The following CDH13 variants were observed in gnomAD, a reference collection of about 807,000 sequenced individuals.
CDH13 encodes cadherin-13.
A neutral mutation model predicts 63.8 loss-of-function variants in CDH13; 24 were observed. The ratio of observed to expected loss-of-function variants is 0.38; its 90% CI spans 0.27 to 0.53. The LOEUF (loss-of-function observed/expected upper bound fraction) is 0.53, where lower values mean the gene tolerates loss of function less well. CDH13 is among the 20% of genes least tolerant of loss of function. CDH13 has a pLI of 0.85. For missense variants in CDH13, 1,049 were observed against 903.1 expected (o/e 1.16, Z -2.07); for synonymous variants, 503 against 355.3 (o/e 1.42, Z -4.67).
At chr16:82,928,159 CGTGTATGTGT>C (rs1475752182) in intron 2 of CDH13, among the ~76,000 whole-genome samples, 9 of 46,648 alleles carry the variant, frequency 1.9e-4, no homozygotes, top group African/African-American at 4.2e-4. Flanking sequence ...AGTAGGCAGT[CGTGTATGTGT>C]GTGTGTGTGT....
At chr16:83,030,396 C>T (rs953649591) in intron 2 of CDH13, among the ~76,000 whole-genome samples, 9 of 152,172 alleles carry the variant, frequency 5.9e-5, no homozygotes, top group African/African-American at 1.7e-4. Context: ...CAGTGGCTCA[C>T]GCCTGTAATC....
intron 5 of CDH13, among the ~76,000 whole-genome samples, chr16:83,292,852 T>G (rs2089497576): frequency 6.6e-6 from 1 of 152,164 alleles, no homozygotes; most frequent in African/African-American, 2.4e-5. Flanking sequence ...CATAATATAT[T>G]AATAAAAATT....
chr16:82,810,466 C>T (rs977605118), intron 1 of CDH13, among the ~76,000 whole-genome samples: 3 of 152,132 alleles, frequency 2.0e-5, no homozygotes, highest in Admixed American at 1.3e-4. Context: ...TTGAGAGGAT[C>T]TCAAAGTGGA....
At chr16:83,572,747 G>C (rs553420415) in intron 7 of CDH13, among the ~76,000 whole-genome samples, 1 of 152,324 alleles carries the variant, frequency 6.6e-6, no homozygotes, top group East Asian at 1.9e-4. Context: ...ATTCGGAACA[G>C]ACCCAAAATA....
intron 3 of CDH13, among the ~76,000 whole-genome samples, chr16:83,057,829 G>C (rs1302107524): frequency 6.6e-6 from 1 of 152,140 alleles, no homozygotes; most frequent in African/African-American, 2.4e-5. Flanking sequence ...CAGCACACTT[G>C]TATTTTTTAT....
At chr16:83,333,886 T>C (rs779297233) in intron 5 of CDH13, among the ~76,000 whole-genome samples, 13 of 152,190 alleles carry the variant, frequency 8.5e-5, no homozygotes, top group Non-Finnish European at 1.6e-4. Flanking sequence ...ACTGTATTAA[T>C]GTCCTATGGC....
chr16:83,172,164 T>C lies in CDH13; in HGVS notation c.484-45181T>C, dbSNP rs181252980. Among the ~76,000 whole-genome samples, 5 of 152,142 alleles carry C rather than the reference T, an allele frequency of 3.3e-5. 1 individual carries two copies. The East Asian group carries it at 7.8e-4, about 24-fold the overall frequency. On this transcript the variant is annotated intron_variant, in intron 4 of 13. Coordinates refer to ENST00000567109, the MANE Select transcript of CDH13 (RefSeq NM_001257.5). The stretch of plus-strand genomic sequence containing the variant: ...GCCTATAAAAAGAGAAATTTGGAGA[T>C]AGACTCACACTCAGAGAGAACTCCA...
intron 7 of CDH13, among the ~76,000 whole-genome samples, chr16:83,592,433 A>G (rs1906847488): frequency 6.6e-6 from 1 of 152,212 alleles, no homozygotes; most frequent in African/African-American, 2.4e-5. Context: ...TAGACACTAA[A>G]TAAATGTTTC....
Position 83,093,368 on chromosome 16 carries a change from G to GC in CDH13, c.367-32015dup, listed in dbSNP as rs539368133. ...CTTCGTCTTTTGCCCCGGCTGGAGTGCCGTGAGTGGCACAGTCTAGGCTGA... is the reference window on the plus strand; with the variant it reads ...CTTCGTCTTTTGCCCCGGCTGGAGTGCCCGTGAGTGGCACAGTCTAGGCTGA... On this transcript the variant is annotated intron_variant, in intron 3 of 13. Transcript: ENST00000567109. Among the ~76,000 whole-genome samples, 979 of 131,098 alleles carry GC rather than the reference G, an allele frequency of 7.5e-3. 9 individuals carry two copies. The highest frequency in any genetic ancestry group is 0.012 in the Non-Finnish European group (772 of 65,018). The allele number at this position is 131,098 out of a possible 152,430, so 86.0% of individuals were successfully genotyped here.
chr16:83,514,134 C>G (rs569663517), intron 7 of CDH13, among the ~76,000 whole-genome samples: 23 of 152,276 alleles, frequency 1.5e-4, no homozygotes, highest in Non-Finnish European at 2.1e-4. Flanking sequence ...AGGCCCTGCT[C>G]TTTGTTCTCT....
At chr16:82,996,970 T>C (rs960450251) in intron 2 of CDH13, among the ~76,000 whole-genome samples, 1 of 151,606 alleles carries the variant, frequency 6.6e-6, no homozygotes, top group African/African-American at 2.4e-5. Flanking sequence ...GTGGTGGTGG[T>C]AATGATGATG....
intron 8 of CDH13, among the ~76,000 whole-genome samples, chr16:83,621,662 T>C (rs1005114922): frequency 4.6e-5 from 7 of 151,900 alleles, no homozygotes; most frequent in African/African-American, 1.7e-4. Flanking sequence ...AATTTTTGTA[T>C]TTTTAGTAGA....
At chr16:83,094,750 A>G (rs960728165) in intron 3 of CDH13, among the ~76,000 whole-genome samples, 3 of 152,206 alleles carry the variant, frequency 2.0e-5, no homozygotes, top group Non-Finnish European at 2.9e-5. Flanking sequence ...TCTTCCCCTG[A>G]AAGTGTGGTT....
chr16:82,817,680 C>T (rs1290996704), intron 1 of CDH13, among the ~76,000 whole-genome samples: 1 of 152,008 alleles, frequency 6.6e-6, no homozygotes, highest in Non-Finnish European at 1.5e-5. Flanking sequence ...TGGTGCACAC[C>T]TGTAGTCCCA....
At chr16:83,475,325 C>T (rs904893154) in intron 6 of CDH13, among the ~76,000 whole-genome samples, 10 of 152,186 alleles carry the variant, frequency 6.6e-5, no homozygotes, top group African/African-American at 2.4e-4. Flanking sequence ...TTCAATGAGT[C>T]AGCATGTGAG....
At chr16:83,027,802 G>A (rs929417696) in intron 2 of CDH13, among the ~76,000 whole-genome samples, 1 of 152,130 alleles carries the variant, frequency 6.6e-6, no homozygotes, top group Admixed American at 6.6e-5. Context: ...CTTACATCCA[G>A]TTCGGTAGAT....
intron 1 of CDH13, among the ~76,000 whole-genome samples, chr16:82,637,932 C>A (rs1269742304): frequency 1.3e-5 from 2 of 152,184 alleles, no homozygotes; most frequent in Non-Finnish European, 2.9e-5. Context: ...AACTGAATCC[C>A]TGTCTCATGG....
At chr16:83,242,120 C>G (rs1308867044) in intron 5 of CDH13, among the ~76,000 whole-genome samples, 1 of 152,164 alleles carries the variant, frequency 6.6e-6, no homozygotes, top group Non-Finnish European at 1.5e-5. Context: ...GCACCTTTGT[C>G]AAAAATAATT....
intron 1 of CDH13, among the ~76,000 whole-genome samples, chr16:82,794,209 C>T (rs574297342): frequency 1.3e-5 from 2 of 148,200 alleles, no homozygotes; most frequent in Admixed American, 6.7e-5. Context: ...CATCAGCTGT[C>T]GTTAGTGTTA....
Sources: gnomAD v4.1 joint callset for allele counts (sites outside exome capture counted in the v4.1 genomes callset) on GRCh38, gnomAD v4.1.1 for gene constraint, MANE v1.5 for transcripts, NCBI Gene and HGNC (gene_info 2026-07-23, HGNC 2026-07-21) for gene names.